Variants in ZNF577 observed in about 807,000 individuals in gnomAD.
ZNF577 encodes zinc finger protein 577.
Under a neutral mutation model 13.9 loss-of-function variants are expected in ZNF577, and 14 were observed. The ratio of observed to expected loss-of-function variants is 1.00; its 90% CI spans 0.66 to 1.57. The LOEUF is 1.57. Ranked by LOEUF, ZNF577 falls within the 40% of genes most tolerant of loss-of-function variation. The pLI is 0.00. For synonymous variants in ZNF577, 203 were observed against 202.9 expected, an observed-to-expected ratio of 1.00 and a Z score of 0.00; for missense variants, 555 against 579.2, an observed-to-expected ratio of 0.96 and a Z score of 0.43.
chr19:51,818,906 T>C (rs1278068574), intron 9 of ZNF577, among the ~76,000 whole-genome samples: 1 of 152,190 alleles, frequency 6.6e-6, no homozygotes, highest in Non-Finnish European at 1.5e-5. Context: ...ATATAATTTG[T>C]CTGTGTCTGG....
intron 5 of ZNF577, chr19:51,860,687 G>T: frequency 5.0e-6 from 1 of 200,220 alleles, no homozygotes; most frequent in Non-Finnish European, 1.0e-5. Context: ...TCTACCACAT[G>T]AGTTTGCTGA....
rs1439058295 is a variant in ZNF577, at chr19:51,884,331, T to C, written c.-219+2490A>G. Among the ~76,000 whole-genome samples, 3 of 152,176 alleles carry C rather than the reference T, an allele frequency of 2.0e-5. No individual in the cohort carries two copies. The East Asian group carries it at 5.8e-4, about 29-fold the overall frequency. On this transcript the variant is annotated intron_variant, in intron 1 of 5. Coordinates refer to ENST00000638348, the MANE Select transcript of ZNF577 (RefSeq NM_001370449.1). ...GGTTAGAGATTCATACTGGGATACG[T>C]ACAAGTTTCAAGGCATGAAGCCTTG...
In ZNF577 at chr19:51,873,375, C is replaced by G; in HGVS notation, c.615G>C (p.Gln205His). 1 of 1,614,220 alleles carries G rather than the reference C, an allele frequency of 6.2e-7. No homozygotes were observed. Among genetic ancestry groups the G allele is most frequent in the Non-Finnish European group, 8.5e-7 (1 of 1,180,036 alleles). The change falls in exon 6 of 6, where the codon CAG (glutamine) becomes CAC (histidine). Residue 205 changes from glutamine to histidine, a missense_variant. By Grantham distance (24) the Gln-to-His change is conservative. Coordinates refer to ENST00000638348, the MANE Select transcript of ZNF577 (RefSeq NM_001370449.1). ...GGGGCTTCTCTCCTGTGTGAGTTCT[C>G]TGATGCTCAGTGAGCTGAATCTTCC... ...FMRKIQLTEH[Q>H]RTHTGEKPHE...
chr19:51,861,325 TTCA>T (rs1454211111), intron 5 of ZNF577: 3 of 167,300 alleles, frequency 1.8e-5, no homozygotes, highest in Non-Finnish European at 2.5e-5. Context: ...GAGACAGGGT[TTCA>T]TCATGTTGGC....
rs528181607 is a variant in ZNF577 at position 51,873,506 on chromosome 19, C to T, written c.484G>A (p.Val162Met). Reference sequence around the variant, plus strand: ...TTCCTGGAGAAGGCTCTCCCGCACACACTGCATTCATGTGGTTTCCCTCCT... The same window carrying T: ...TTCCTGGAGAAGGCTCTCCCGCACATACTGCATTCATGTGGTTTCCCTCCT... ...CAGGKPHECS[V>M]CGRAFSRKAQ... Residue 162 changes from valine (V) to methionine (M), a missense_variant, in exon 6 of 6, where the codon GTG (valine) becomes ATG (methionine). Val to Met is a conservative substitution (Grantham distance 21, BLOSUM62 1). Coordinates refer to ENST00000638348, the MANE Select transcript of ZNF577 (RefSeq NM_001370449.1). The T allele has an allele frequency of 3.6e-5, 58 of 1,614,114 alleles. No homozygotes were observed. The highest frequency in any genetic ancestry group is 4.7e-5 in the Non-Finnish European group (56 of 1,180,046).
At chr19:51,837,164 G>A (rs1037792179) in intron 9 of ZNF577, among the ~76,000 whole-genome samples, 5 of 152,072 alleles carry the variant, frequency 3.3e-5, no homozygotes, top group Admixed American at 2.6e-4. Context: ...GTAAAATGAA[G>A]GTGTGTTCCA....
chr19:51,867,492 T>C lies in ZNF577; in HGVS notation c.*5040A>G, dbSNP rs1034313340. ...GGACAACTTTTTAAAAACACAAAGC[T>C]GGCCAGGCGCGGTGGCTCACACCTG... On this transcript the variant is annotated 3_prime_UTR_variant, in exon 6 of 6. Transcript: ENST00000638348. Among the ~76,000 whole-genome samples, 1 of 151,788 alleles carries C rather than the reference T, an allele frequency of 6.6e-6. No individual in the cohort carries two copies. Among genetic ancestry groups the C allele is most frequent in the Non-Finnish European group, 1.5e-5 (1 of 67,966 alleles).
intron 5 of ZNF577, among the ~76,000 whole-genome samples, chr19:51,854,469 C>G (rs2084397904): frequency 1.3e-5 from 2 of 148,828 alleles, no homozygotes; most frequent in African/African-American, 5.0e-5. Flanking sequence ...GCTGGGACTA[C>G]AGGAATGCAC....
At chr19:51,884,928 T>C (rs576371934) in intron 1 of ZNF577, among the ~76,000 whole-genome samples, 129 of 152,336 alleles carry the variant, frequency 8.5e-4, no homozygotes, top group African/African-American at 3.0e-3. Flanking sequence ...ATGACTATTC[T>C]ATGGTGAATA....
chr19:51,859,171 T>C (rs567340952), intron 5 of ZNF577, among the ~76,000 whole-genome samples: 1 of 152,360 alleles, frequency 6.6e-6, no homozygotes, highest in Non-Finnish European at 1.5e-5. Flanking sequence ...CAGTACTTCA[T>C]TCATTTGTAT....
intron 5 of ZNF577, among the ~76,000 whole-genome samples, chr19:51,847,705 A>G (rs936030768): frequency 6.6e-6 from 1 of 152,094 alleles, no homozygotes; most frequent in Non-Finnish European, 1.5e-5. Context: ...TTAAACGGCA[A>G]CCCCAGATGG....
intron 9 of ZNF577, among the ~76,000 whole-genome samples, chr19:51,815,352 G>T (rs1266977017): frequency 6.6e-6 from 1 of 151,996 alleles, no homozygotes; most frequent in Non-Finnish European, 1.5e-5. Context: ...TCAAAGTCAG[G>T]AATTCGAGAC....
At position 51,871,108 on chromosome 19, in the gene ZNF577, T is replaced by TC. The variant is rs1568446554; in HGVS notation, c.*1423dup. On this transcript the variant is annotated 3_prime_UTR_variant, in exon 6 of 6. Coordinates refer to ENST00000638348, the MANE Select transcript of ZNF577 (RefSeq NM_001370449.1). ...CATAATGAAGTATGTTAGTTTCTTTTCCCCCCTTTTTTAGAGTCAGAGTCT... is the reference window on the plus strand; with the variant it reads ...CATAATGAAGTATGTTAGTTTCTTTTCCCCCCCTTTTTTAGAGTCAGAGTCT... 6.6e-6 allele frequency among the ~76,000 whole-genome samples: 1 copy of TC among 152,034 alleles called. No individual in the cohort carries two copies. The highest frequency in any genetic ancestry group is 1.5e-5 in the Non-Finnish European group (1 of 67,984).
Position 51,873,354 on chromosome 19 carries a change from C to G in ZNF577, c.636G>C (p.Lys212Asn), listed in dbSNP as rs1376787477. 6 of 1,614,142 alleles carry G rather than the reference C, an allele frequency of 3.7e-6. No homozygotes were observed. The Admixed American group carries it at 5.0e-5, about 13-fold the overall frequency. Residue 212 changes from lysine (K) to asparagine (N), a missense_variant, in exon 6 of 6, where the codon AAG becomes AAC. Lys to Asn is a moderately conservative substitution (Grantham distance 94). Coordinates refer to ENST00000638348, the MANE Select transcript of ZNF577 (RefSeq NM_001370449.1). ...TEHQRTHTGE[K>N]PHECSECGKA... is the part of the protein sequence containing the mutation. ...TTCCACATTCACTACATTCATGGGG[C>G]TTCTCTCCTGTGTGAGTTCTCTGAT...
At chr19:51,859,516 T>G (rs774243711) in intron 5 of ZNF577, among the ~76,000 whole-genome samples, 19 of 152,260 alleles carry the variant, frequency 1.2e-4, no homozygotes, top group Non-Finnish European at 2.4e-4. Context: ...ACCTCACACT[T>G]TTTTCTTCCA....
At chr19:51,861,113 CTTTTTTTTTTT>C (rs368241227) in intron 5 of ZNF577, 1 of 184,258 alleles carries the variant, frequency 5.4e-6, no homozygotes, top group South Asian at 4.8e-5. Context: ...TTGACTCTCT[CTTTTTTTTTTT>C]TTTTTTTTTT....
downstream of ZNF577, among the ~76,000 whole-genome samples, chr19:51,866,918 T>G (rs2084571162): frequency 1.3e-5 from 2 of 151,458 alleles, no homozygotes; most frequent in African/African-American, 2.4e-5. Context: ...GAGGCAGAGG[T>G]TGCAGTGAGC....
intron 9 of ZNF577, among the ~76,000 whole-genome samples, chr19:51,814,486 T>TTTTG (rs111878163): frequency 0.49 from 73,623 of 151,292 alleles, 18,635 homozygotes; most frequent in African/African-American, 0.64. Flanking sequence ...GGTTTTTGTT[T>TTTTG]TTTGTTTGTT....
At chr19:51,853,056 C>G (rs1023433797) in intron 5 of ZNF577, among the ~76,000 whole-genome samples, 2 of 152,040 alleles carry the variant, frequency 1.3e-5, no homozygotes, top group Non-Finnish European at 2.9e-5. Context: ...CCCGCCTCAG[C>G]CTCCAGAGTA....
Sources: allele counts gnomAD v4.1 joint callset (sites outside exome capture counted in the v4.1 genomes callset), GRCh38; gene constraint gnomAD v4.1.1; transcripts MANE v1.5; gene names NCBI Gene and HGNC (gene_info 2026-07-23, HGNC 2026-07-21).